The following ZCCHC2 variants were observed in gnomAD, a reference collection of about 807,000 sequenced individuals.
The protein encoded by ZCCHC2 is zinc finger CCHC-type containing 2, also known as zinc finger CCHC domain-containing protein 2.
In ZCCHC2, 39 loss-of-function variants were observed where a neutral mutation model predicts 103.6. The observed-to-expected ratio is 0.38, with a 90% CI of 0.29 to 0.49. ZCCHC2 has a LOEUF of 0.49. Among genes scored for constraint, ZCCHC2 ranks in the 20% least tolerant of loss-of-function variants. The pLI is 0.96. For synonymous variants in ZCCHC2, 687 were observed against 608.9 expected (o/e 1.13, Z -1.89); for missense variants, 1,483 against 1,491.0 (o/e 0.99, Z 0.09).
intron 11 of ZCCHC2, among the ~76,000 whole-genome samples, chr18:62,569,511 A>AT (rs58894075): frequency 2.0e-5 from 3 of 151,242 alleles, no homozygotes; most frequent in African/African-American, 7.3e-5. Flanking sequence ...GAAAAAAAAA[A>AT]TCCAAAGTTT....
chr18:62,572,699 G>C (rs1316551622), intron 12 of ZCCHC2, among the ~76,000 whole-genome samples: 2 of 152,152 alleles, frequency 1.3e-5, no homozygotes, highest in African/African-American at 4.8e-5. Context: ...AGGAGTCTCA[G>C]GATGCTTAGA....
intron 14 of ZCCHC2, among the ~76,000 whole-genome samples, chr18:62,583,757 T>C (rs191292328): frequency 1.3e-5 from 2 of 151,596 alleles, no homozygotes; most frequent in African/African-American, 2.4e-5. Context: ...TATGAAGAAA[T>C]GGGGTCCCTG....
downstream of ZCCHC2, among the ~76,000 whole-genome samples, chr18:62,580,328 C>T (rs910431035): frequency 1.3e-5 from 2 of 152,214 alleles, no homozygotes; most frequent in South Asian, 2.1e-4. Context: ...ATTGTTGTCC[C>T]TGGTTCGTGT....
intron 1 of ZCCHC2, among the ~76,000 whole-genome samples, chr18:62,534,742 A>C (rs1162659495): frequency 6.6e-6 from 1 of 152,274 alleles, no homozygotes; most frequent in African/African-American, 2.4e-5. Context: ...GCATGGTCAC[A>C]TGTGAACCAA....
At chr18:62,569,490 G>A (rs935144556) in intron 11 of ZCCHC2, among the ~76,000 whole-genome samples, 3 of 135,920 alleles carry the variant, frequency 2.2e-5, no homozygotes, top group Non-Finnish European at 4.7e-5. Context: ...CCTCAGTCAG[G>A]GCCACTACAG....
At chr18:62,569,873 C>G (rs923136283) in intron 11 of ZCCHC2, among the ~76,000 whole-genome samples, 1 of 151,992 alleles carries the variant, frequency 6.6e-6, no homozygotes, top group African/African-American at 2.4e-5. Flanking sequence ...CTCGTTTTTT[C>G]TTTGAAGTCA....
rs762923858 is a variant in ZCCHC2, at chr18:62,570,087, GTGT to G, written c.1847-11_1847-9del. On this transcript the variant is annotated splice_polypyrimidine_tract_variant and intron_variant, in intron 11 of 13. Coordinates refer to ENST00000269499, the MANE Select transcript of ZCCHC2 (RefSeq NM_017742.6). The stretch of plus-strand genomic sequence containing the variant: ...TGACTTAACATGATTTTTTAAAATA[GTGT>G]TGTTATTTTTAGATGTGAATTTGGA... 50 of 1,572,186 alleles carry G rather than the reference GTGT, an allele frequency of 3.2e-5. No individual in the cohort carries two copies. Among genetic ancestry groups the G allele is most frequent in the Non-Finnish European group, 4.1e-5 (47 of 1,159,956 alleles).
At chr18:62,565,634 G>C (rs539204910) in intron 11 of ZCCHC2, among the ~76,000 whole-genome samples, 16 of 151,480 alleles carry the variant, frequency 1.1e-4, no homozygotes, top group African/African-American at 3.9e-4. Context: ...AGGTTCATTT[G>C]ACTTGAGAAA....
chr18:62,528,680 T>G (rs932745930), intron 1 of ZCCHC2, among the ~76,000 whole-genome samples: 6 of 152,194 alleles, frequency 3.9e-5, no homozygotes, highest in African/African-American at 1.4e-4. Context: ...GTACTTTGAT[T>G]AACTTCGCAA....
At chr18:62,541,911 A>C (rs1915205387) in intron 2 of ZCCHC2, among the ~76,000 whole-genome samples, 1 of 152,170 alleles carries the variant, frequency 6.6e-6, no homozygotes, top group South Asian at 2.1e-4. Context: ...GTAATGTAAA[A>C]AAATTTTGCC....
chr18:62,582,000 G>C (rs895140241), downstream of ZCCHC2: 1 of 154,796 alleles, frequency 6.5e-6, no homozygotes, highest in African/African-American at 2.4e-5. Context: ...AACAAAAACA[G>C]CAGTGTGTGG....
intron 1 of ZCCHC2, among the ~76,000 whole-genome samples, chr18:62,533,840 C>T (rs1914798829): frequency 1.4e-5 from 2 of 139,016 alleles, no homozygotes; most frequent in African/African-American, 5.5e-5. Context: ...ACATTGCACT[C>T]CAGCCTGGGC....
chr18:62,523,293 C>T lies in ZCCHC2; in HGVS notation c.-132C>T, dbSNP rs1914130775. The T allele has an allele frequency of 2.2e-6, 2 of 893,816 alleles. No homozygotes were observed. The highest frequency in any genetic ancestry group is 1.2e-4 in the East Asian group (1 of 8,352). The allele number at this position is 893,816 out of a possible 1,614,324, so 55.4% of individuals were successfully genotyped here. A position where few individuals can be genotyped will look rare whatever the true frequency, so the allele number is the denominator to read the frequency against. On this transcript the variant is annotated 5_prime_UTR_variant, in exon 1 of 14. Coordinates refer to ENST00000269499, the MANE Select transcript of ZCCHC2 (RefSeq NM_017742.6). ...CCCCTCGCCGGCCGAGACCCGCCCCCGGCCCCGGCCCTCCCCCGGCGGCAT... is the reference window on the plus strand; with the variant it reads ...CCCCTCGCCGGCCGAGACCCGCCCCTGGCCCCGGCCCTCCCCCGGCGGCAT...
chr18:62,583,470 T>C (rs1025754489), downstream of ZCCHC2, among the ~76,000 whole-genome samples: 2 of 152,182 alleles, frequency 1.3e-5, no homozygotes, highest in Admixed American at 1.3e-4. Context: ...AAGCACGGTG[T>C]AAAATACCTG....
chr18:62,532,128 C>T (rs530157960), intron 1 of ZCCHC2, among the ~76,000 whole-genome samples: 75 of 152,346 alleles, frequency 4.9e-4, no homozygotes, highest in African/African-American at 1.7e-3. Flanking sequence ...TGTGTGCGCG[C>T]GCGCGCACGT....
At chr18:62,582,131 G>GA (rs141201789), downstream of ZCCHC2, among the ~76,000 whole-genome samples, 8,735 of 152,300 alleles carry the variant, frequency 0.057, 320 homozygotes, top group Middle Eastern at 0.12. Flanking sequence ...TTGGTTGAAT[G>GA]AAAAATGGGA....
exon 15 of ZCCHC2, chr18:62,585,029 T>G (rs1004462738): frequency 2.6e-5 from 4 of 152,396 alleles, no homozygotes; most frequent in South Asian, 2.1e-4. Context: ...TGGACCAGGT[T>G]GTGGGCACGC....
intron 4 of ZCCHC2, among the ~76,000 whole-genome samples, chr18:62,547,282 G>T (rs1915455078): frequency 6.7e-6 from 1 of 149,600 alleles, no homozygotes; most frequent in South Asian, 2.1e-4. Context: ...CCAAGATCAT[G>T]CCATTGCACT....
At chr18:62,545,550 A>T (rs550784980) in intron 4 of ZCCHC2, among the ~76,000 whole-genome samples, 4 of 152,316 alleles carry the variant, frequency 2.6e-5, no homozygotes, top group African/African-American at 7.2e-5. Context: ...CATTTTGTTC[A>T]AACCATCACC....
Sources: gnomAD v4.1 joint callset for allele counts (sites outside exome capture counted in the v4.1 genomes callset) on GRCh38, gnomAD v4.1.1 for gene constraint, MANE v1.5 for transcripts, NCBI Gene and HGNC (gene_info 2026-07-23, HGNC 2026-07-21) for gene names.